The following MMD variants were observed in gnomAD, a reference collection of about 807,000 sequenced individuals.
MMD encodes monocyte to macrophage differentiation factor.
Under a neutral mutation model 33.6 loss-of-function variants are expected in MMD, and 22 were observed. The observed-to-expected ratio is 0.66, with a 90% CI of 0.47 to 0.94. The LOEUF (loss-of-function observed/expected upper bound fraction) is 0.94. MMD is among the 40% of genes least tolerant of loss of function. MMD has a pLI of 0.00. For missense variants in MMD, 242 were observed against 309.8 expected, an observed-to-expected ratio of 0.78 and a Z score of 1.64; for synonymous variants, 97 against 103.2, an observed-to-expected ratio of 0.94 and a Z score of 0.36.
At chr17:55,421,586 G>A (rs1370918513) in intron 1 of MMD, 84 bp downstream of exon 1, 1 of 1,563,230 alleles carries the variant, frequency 6.4e-7, no homozygotes, top group East Asian at 2.4e-5. Context: ...TCCAGGTGAG[G>A]AGCCGGGAGC....
intron 1 of MMD, among the ~76,000 whole-genome samples, chr17:55,421,275 C>G (rs1908174912): frequency 6.6e-6 from 1 of 152,270 alleles, no homozygotes; most frequent in Non-Finnish European, 1.5e-5. Context: ...GAGGCCAAAG[C>G]CAGGTCGGAG....
At chr17:55,407,672 G>A (rs1907608208) in intron 4 of MMD, 74 bp downstream of exon 4, 1 of 1,376,586 alleles carries the variant, frequency 7.3e-7, no homozygotes, top group Non-Finnish European at 1.0e-6. Context: ...GGACAAGAGG[G>A]AGAAAGGAAA....
At chr17:55,401,997 TGGCGTGAACCC>T (rs1334886938) in intron 5 of MMD, among the ~76,000 whole-genome samples, 146 of 86,136 alleles carry the variant, frequency 1.7e-3, no homozygotes, top group African/African-American at 8.3e-3. Context: ...TGAACCCGAA[TGGCGTGAACCC>T]GGGAGGCGGG....
rs369526732 is a variant in MMD at position 55,419,687 on chromosome 17, C to T, written c.26+1983G>A. Among the ~76,000 whole-genome samples, 21 of 152,158 alleles carry T rather than the reference C, an allele frequency of 1.4e-4. No individual in the cohort carries two copies. The East Asian group carries it at 1.7e-3, about 13-fold the overall frequency. On this transcript the variant is annotated intron_variant, in intron 1 of 6. Transcript: ENST00000262065. ...TACTTTTTGTTTATAGGCTTTATTT[C>T]CAAGTTAAAATTGATGCTTAGAACT...
At chr17:55,394,640 G>A in intron 6 of MMD, 106 bp from the exon 7 acceptor site, 1 of 944,240 alleles carries the variant, frequency 1.1e-6, no homozygotes, top group East Asian at 3.3e-5. Flanking sequence ...AGACAATGAA[G>A]AAGCTGTGTG....
chr17:55,407,376 G>A (rs1467195089), intron 4 of MMD, among the ~76,000 whole-genome samples: 3 of 151,852 alleles, frequency 2.0e-5, no homozygotes, highest in African/African-American at 7.3e-5. Flanking sequence ...CATATTTACA[G>A]CATTTCCACT....
At chr17:55,418,792 A>G (rs1908066800) in intron 1 of MMD, among the ~76,000 whole-genome samples, 1 of 152,224 alleles carries the variant, frequency 6.6e-6, no homozygotes, top group African/African-American at 2.4e-5. Flanking sequence ...GACTTCTAAT[A>G]CTGTAGATTA....
chr17:55,417,350 G>A lies in MMD; in HGVS notation c.27-3118C>T, dbSNP rs951590172. On this transcript the variant is annotated intron_variant, in intron 1 of 6. Coordinates refer to ENST00000262065, the MANE Select transcript of MMD (RefSeq NM_012329.3). The stretch of plus-strand genomic sequence containing the variant: ...AAAAATTAGCCTGGTGTGGTGGTGT[G>A]CACCTGTAATCCCAGCTCCGCGTCT... 3.9e-5 allele frequency among the ~76,000 whole-genome samples: 6 copies of A among 152,240 alleles called. No homozygotes were observed. The East Asian group carries it at 1.2e-3, about 29-fold the overall frequency.
At chr17:55,397,820 C>G (rs181366971) in intron 6 of MMD, among the ~76,000 whole-genome samples, 1 of 152,098 alleles carries the variant, frequency 6.6e-6, no homozygotes, top group African/African-American at 2.4e-5. Context: ...GGATTACATG[C>G]GTGAGCCACA....
rs1567844163 is a variant in MMD, at chr17:55,393,404, A to G, written c.*930T>C. On this transcript the variant is annotated 3_prime_UTR_variant, in exon 7 of 7. Coordinates refer to ENST00000262065, the MANE Select transcript of MMD (RefSeq NM_012329.3). ...AACCATTGGGCACCAAACAGGCAAT[A>G]CAACTGCTCACTGTAATACATAATG... 1 of 152,624 alleles carries G rather than the reference A, an allele frequency of 6.6e-6. No homozygotes were observed. The highest frequency in any genetic ancestry group is 1.5e-5 in the Non-Finnish European group (1 of 68,052). The allele number at this position is 152,624 out of a possible 1,614,324, so 9.5% of individuals were successfully genotyped here.
chr17:55,408,247 TA>T (rs1377490258), intron 3 of MMD, among the ~76,000 whole-genome samples: 2 of 152,216 alleles, frequency 1.3e-5, no homozygotes, highest in African/African-American at 4.8e-5. Flanking sequence ...TGATGTTCAG[TA>T]AACACTCCCT....
intron 6 of MMD, among the ~76,000 whole-genome samples, chr17:55,396,147 C>G (rs1191919295): frequency 6.6e-6 from 1 of 152,158 alleles, no homozygotes; most frequent in Admixed American, 6.5e-5. Context: ...ACATTTACCT[C>G]AACTTTCAAA....
intron 1 of MMD, among the ~76,000 whole-genome samples, chr17:55,414,816 TG>T (rs1439378422): frequency 9.9e-5 from 15 of 152,184 alleles, no homozygotes; most frequent in African/African-American, 2.7e-4. Flanking sequence ...AAATGACACC[TG>T]GCTACCTCTA....
At chr17:55,398,876 C>A (rs7219982) in intron 6 of MMD, among the ~76,000 whole-genome samples, 1,813 of 152,302 alleles carry the variant, frequency 0.012, 33 homozygotes, top group African/African-American at 0.04. Flanking sequence ...TGGGAACTGT[C>A]CGGAATTTCC....
intron 1 of MMD, among the ~76,000 whole-genome samples, chr17:55,418,375 A>T (rs961098357): frequency 1.3e-5 from 2 of 152,254 alleles, no homozygotes; most frequent in African/African-American, 4.8e-5. Flanking sequence ...ATGAATAGAA[A>T]GACATTCCAG....
chr17:55,411,181 A>G, intron 3 of MMD, 76 bp downstream of exon 3: 5 of 1,496,258 alleles, frequency 3.3e-6, no homozygotes, highest in Non-Finnish European at 4.5e-6. Flanking sequence ...TGACTAAAGC[A>G]TGCCAGCTTG....
intron 3 of MMD, 69 bp from the exon 4 acceptor site, chr17:55,407,889 A>G: frequency 1.9e-6 from 2 of 1,075,884 alleles, no homozygotes; most frequent in East Asian, 5.4e-5. Context: ...TTATCACTCC[A>G]CTATGTTGCA....
At chr17:55,417,939 C>T (rs982083619) in intron 1 of MMD, among the ~76,000 whole-genome samples, 1 of 152,220 alleles carries the variant, frequency 6.6e-6, no homozygotes, top group Non-Finnish European at 1.5e-5. Flanking sequence ...TGGTCTGGGC[C>T]TCACTACCCC....
At chr17:55,405,430 T>C (rs1021531347) in intron 4 of MMD, among the ~76,000 whole-genome samples, 1 of 150,982 alleles carries the variant, frequency 6.6e-6, no homozygotes, top group African/African-American at 2.4e-5. Context: ...GTTGTCCTGA[T>C]TATCTATAAC....
Sources: allele counts gnomAD v4.1 joint callset (sites outside exome capture counted in the v4.1 genomes callset), GRCh38; gene constraint gnomAD v4.1.1; transcripts MANE v1.5; gene names NCBI Gene and HGNC (gene_info 2026-07-23, HGNC 2026-07-21).